The following RICTOR variants were observed in gnomAD, a reference collection of about 807,000 sequenced individuals.
The protein encoded by RICTOR is RPTOR independent companion of MTOR complex 2, also known as rapamycin-insensitive companion of mTOR.
Under a neutral mutation model 214.9 loss-of-function variants are expected in RICTOR, and 49 were observed. The ratio of observed to expected loss-of-function variants is 0.23; its 90% CI spans 0.18 to 0.29. The LOEUF (loss-of-function observed/expected upper bound fraction) is 0.29, where lower values mean the gene tolerates loss of function less well. RICTOR is among the 10% of genes least tolerant of loss of function. The pLI is 1.00. For synonymous variants in RICTOR, 717 were observed against 711.3 expected (o/e 1.01, Z -0.13); for missense variants, 1,625 against 2,047.0 (o/e 0.79, Z 3.98).
rs544164662 is a variant in RICTOR at position 38,941,123 on chromosome 5, A to G, written c.*1181T>C. 84 of 232,952 alleles carry G rather than the reference A, an allele frequency of 3.6e-4. 2 individuals are homozygous for G. In the South Asian group the frequency reaches 0.014, roughly 39 times the overall value. The allele number at this position is 232,952 out of a possible 1,614,324, so 14.4% of individuals were successfully genotyped here. A position where few individuals can be genotyped will look rare whatever the true frequency, so the allele number is the denominator to read the frequency against. On this transcript the variant is annotated 3_prime_UTR_variant, in exon 38 of 38. Transcript: ENST00000357387. ...TCCAAATACCTTTAGACATATACAA[A>G]TTAAACAAACAAAAACCTTGCCCTC...
chr5:39,024,988 G>C (rs554245908), intron 2 of RICTOR, among the ~76,000 whole-genome samples: 1 of 152,214 alleles, frequency 6.6e-6, no homozygotes, highest in East Asian at 1.9e-4. Flanking sequence ...ATCTAACATA[G>C]AAGTGGAAGA....
chr5:39,027,267 TTC>T (rs1755900295), intron 2 of RICTOR, among the ~76,000 whole-genome samples: 1 of 152,142 alleles, frequency 6.6e-6, no homozygotes, highest in Admixed American at 6.5e-5. Context: ...AAGTATATAC[TTC>T]AAAAATATTT....
At chr5:38,975,671 C>T (rs1751161284) in intron 9 of RICTOR, 67 bp from the exon 10 acceptor site, 2 of 1,147,988 alleles carry the variant, frequency 1.7e-6, no homozygotes, top group Non-Finnish European at 2.6e-6. Flanking sequence ...TTTTTTCCTG[C>T]TACTAAATCA....
At chr5:38,962,087 A>T (rs1749843092) in intron 19 of RICTOR, among the ~76,000 whole-genome samples, 1 of 152,066 alleles carries the variant, frequency 6.6e-6, no homozygotes, top group South Asian at 2.1e-4. Flanking sequence ...CAACTACTTC[A>T]TCTATTCCAA....
intron 14 of RICTOR, 80 bp from the exon 15 acceptor site, chr5:38,966,801 A>AAT (rs373448194): frequency 2.9e-4 from 161 of 549,752 alleles, no homozygotes; most frequent in African/African-American, 1.3e-3. Context: ...ATTTTTCAAA[A>AAT]TTTTTTTTTT....
chr5:38,945,790 T>C (rs757332185), intron 33 of RICTOR, 66 bp from the exon 34 acceptor site: 57 of 800,846 alleles, frequency 7.1e-5, no homozygotes, highest in Non-Finnish European at 1.1e-4. Context: ...CCTTAAATTA[T>C]GTGAAATTTT....
At chr5:38,958,275 CAAAAAAATTAAAA>C (rs940529929) in intron 24 of RICTOR, among the ~76,000 whole-genome samples, 155 bp downstream of exon 24, 2 of 150,364 alleles carry the variant, frequency 1.3e-5, no homozygotes, top group Non-Finnish European at 3.0e-5. Flanking sequence ...ATGAACAGAC[CAAAAAAATTAAAA>C]AAAAAGAAAA....
intron 27 of RICTOR, chr5:38,954,555 A>T (rs546538024): frequency 2.4e-6 from 1 of 421,644 alleles, no homozygotes; most frequent in African/African-American, 2.1e-5. Flanking sequence ...AAAAAGTCAT[A>T]CACAAGTCAG....
intron 2 of RICTOR, among the ~76,000 whole-genome samples, chr5:39,055,666 A>C (rs943227403): frequency 4.6e-5 from 7 of 152,184 alleles, no homozygotes; most frequent in African/African-American, 1.7e-4. Context: ...AAATTATGCC[A>C]ATTGTAAGAA....
intron 2 of RICTOR, among the ~76,000 whole-genome samples, chr5:39,066,641 G>T (rs1291136835): frequency 6.6e-6 from 1 of 152,198 alleles, no homozygotes; most frequent in Non-Finnish European, 1.5e-5. Context: ...CCAACTTTAA[G>T]TCATTTCTTT....
At chr5:38,947,496 C>G in intron 31 of RICTOR, 55 bp from the exon 32 acceptor site, 2 of 1,277,440 alleles carry the variant, frequency 1.6e-6, no homozygotes, top group South Asian at 2.5e-5. Context: ...TAATTTTAAT[C>G]ATATGAAGAA....
At chr5:39,047,321 C>T (rs920300463) in intron 2 of RICTOR, among the ~76,000 whole-genome samples, 8 of 152,144 alleles carry the variant, frequency 5.3e-5, no homozygotes, top group African/African-American at 1.2e-4. Context: ...AAGGAGGGCA[C>T]GACCTAGATC....
rs1748318269 is a variant in RICTOR, at chr5:38,947,322, C to T, written c.4256G>A (p.Gly1419Glu). 2 of 1,612,880 alleles carry T rather than the reference C, an allele frequency of 1.2e-6. No homozygotes were observed. Among genetic ancestry groups the T allele is most frequent in the Non-Finnish European group, 1.7e-6 (2 of 1,179,276 alleles). ...AAGACCAATGTAATCATCTGAACCCCCATATGTGGCACTGGACACCATGGA... is the reference window on the plus strand; with the variant it reads ...AAGACCAATGTAATCATCTGAACCCTCATATGTGGCACTGGACACCATGGA... Reference protein sequence around the residue: ...VRSMVSSATYGGSDDYIGLAL... With the variant: ...VRSMVSSATYEGSDDYIGLAL... The change falls in exon 32 of 38, where the codon GGG becomes GAG. Residue 1419 changes from glycine (G) to glutamate (E), a missense_variant. Gly to Glu is a moderately conservative substitution (Grantham distance 98). Transcript: ENST00000357387.
In RICTOR at chr5:39,032,156, T is replaced by C. The variant is rs182564725; in HGVS notation, c.98-11020A>G. Among the ~76,000 whole-genome samples, 569 of 152,304 alleles carry C rather than the reference T, an allele frequency of 3.7e-3. 2 individuals carry two copies. Among genetic ancestry groups the C allele is most frequent in the Non-Finnish European group, 7.0e-3 (474 of 68,024 alleles). On this transcript the variant is annotated intron_variant, in intron 2 of 37. Coordinates refer to ENST00000357387, the MANE Select transcript of RICTOR (RefSeq NM_152756.5). ...CAAGAGAACCTATTCCATCTTTGGATAGAAAAATAGAACATTTTTTCTTTA... is the reference window on the plus strand; with the variant it reads ...CAAGAGAACCTATTCCATCTTTGGACAGAAAAATAGAACATTTTTTCTTTA...
rs140874654 is a variant in RICTOR, at chr5:38,976,526, A to C, written c.822-922T>G. 5.6e-3 allele frequency among the ~76,000 whole-genome samples: 845 copies of C among 152,208 alleles called. 6 individuals carry two copies. Among genetic ancestry groups the C allele is most frequent in the Middle Eastern group, 0.027 (8 of 294 alleles). ...GCACCAGCTAAAATGAGAAAATAAC[A>C]GAAATGAAAATGGGGGCGGGGGTGG... On this transcript the variant is annotated intron_variant, in intron 9 of 37. Coordinates refer to ENST00000357387, the MANE Select transcript of RICTOR (RefSeq NM_152756.5).
At chr5:38,960,986 T>G (rs10941414) in intron 19 of RICTOR, among the ~76,000 whole-genome samples, 8,157 of 152,116 alleles carry the variant, frequency 0.054, 407 homozygotes, top group African/African-American at 0.13. Flanking sequence ...GTGAGTCAAT[T>G]AAACCTCTTT....
chr5:39,039,900 T>A (rs543246792), intron 2 of RICTOR, among the ~76,000 whole-genome samples: 54 of 151,952 alleles, frequency 3.6e-4, no homozygotes, highest in Middle Eastern at 6.8e-3. Flanking sequence ...ATTGTGGAAG[T>A]CAGTGTGGCG....
At chr5:38,943,128 C>G in intron 36 of RICTOR, 157 bp from the exon 37 acceptor site, 1 of 508,344 alleles carries the variant, frequency 2.0e-6, no homozygotes, top group Non-Finnish European at 3.5e-6. Context: ...TTAAATATTC[C>G]TGTCACACAC....
rs1177629355 is a variant in RICTOR, at chr5:38,939,651, T to C, written c.*2653A>G. ...ACTTTACGATTAGAAATTCATAGTTTACAACCAGCACAACTGCCCAGATTC... is the reference window on the plus strand; with the variant it reads ...ACTTTACGATTAGAAATTCATAGTTCACAACCAGCACAACTGCCCAGATTC... On this transcript the variant is annotated 3_prime_UTR_variant, in exon 38 of 38. Coordinates refer to ENST00000357387, the MANE Select transcript of RICTOR (RefSeq NM_152756.5). 1 of 231,274 alleles carries C rather than the reference T, an allele frequency of 4.3e-6. No individual in the cohort carries two copies. Among genetic ancestry groups the C allele is most frequent in the Non-Finnish European group, 8.5e-6 (1 of 116,976 alleles). The allele number at this position is 231,274 out of a possible 1,614,324, so 14.3% of individuals were successfully genotyped here.
Sources: gnomAD v4.1 joint callset for allele counts (sites outside exome capture counted in the v4.1 genomes callset) on GRCh38, gnomAD v4.1.1 for gene constraint, MANE v1.5 for transcripts, NCBI Gene and HGNC (gene_info 2026-07-23, HGNC 2026-07-21) for gene names.